SLC5A4: variants seen among roughly 807,000 people sequenced by gnomAD.
SLC5A4 encodes solute carrier family 5 member 4.
In SLC5A4, 55 loss-of-function variants were observed where a neutral mutation model predicts 70.3. The observed-to-expected ratio is 0.78, with a 90% CI of 0.63 to 0.98. The LOEUF (loss-of-function observed/expected upper bound fraction) is 0.98. Ranked by LOEUF, SLC5A4 falls within the 50% of genes least tolerant of loss-of-function variation. The pLI, the probability that SLC5A4 is intolerant of heterozygous loss-of-function variation, is 0.00. For missense variants in SLC5A4, 735 were observed against 839.2 expected (o/e 0.88, Z 1.53); for synonymous variants, 268 against 305.7 (o/e 0.88, Z 1.29).
the SLC5A4 span, among the ~76,000 whole-genome samples, chr22:32,330,995 G>T: frequency 8.7e-5 from 3 of 34,528 alleles, no homozygotes; most frequent in Admixed American, 3.5e-4. Context: ...TGGGGGCTCT[G>T]GTGTGTGTGT....
intron 6 of SLC5A4, 141 bp from the exon 7 acceptor site, chr22:32,237,465 T>C: frequency 1.7e-6 from 1 of 587,830 alleles, no homozygotes; most frequent in Non-Finnish European, 3.0e-6. Context: ...AGCCACAAGC[T>C]TGTCCTGGCA....
intron 5 of SLC5A4, among the ~76,000 whole-genome samples, chr22:32,239,690 C>T: frequency 7.2e-6 from 1 of 139,046 alleles, no homozygotes; most frequent in South Asian, 2.2e-4. Context: ...AGGGCAAAAC[C>T]ACAATTACTT....
In SLC5A4 at chr22:32,219,842, C is replaced by G. The variant is rs545142298; in HGVS notation, c.1768+1078G>C. 3.3e-5 allele frequency among the ~76,000 whole-genome samples: 5 copies of G among 151,994 alleles called. No homozygotes were observed. In the South Asian group the frequency reaches 8.3e-4, roughly 25 times the overall value. On this transcript the variant is annotated intron_variant, in intron 14 of 14. Coordinates refer to ENST00000266086, the MANE Select transcript of SLC5A4 (RefSeq NM_014227.3). ...AATATACTAGAGATTGAAAGGATAA[C>G]ACAACTATAGAGGCAGCATAGATGG...
the SLC5A4 span, among the ~76,000 whole-genome samples, chr22:32,308,616 G>A: frequency 6.6e-6 from 1 of 152,220 alleles, no homozygotes; most frequent in Non-Finnish European, 1.5e-5. Context: ...ACATTCCCAA[G>A]TCCTTCTCTT....
At chr22:32,230,669 A>G (rs1368289310) in intron 10 of SLC5A4, among the ~76,000 whole-genome samples, 3 of 152,242 alleles carry the variant, frequency 2.0e-5, no homozygotes, top group African/African-American at 7.2e-5. Flanking sequence ...TCTTGTGTTT[A>G]CAAGTTTATG....
the SLC5A4 span, among the ~76,000 whole-genome samples, chr22:32,260,362 C>T: frequency 1.3e-4 from 20 of 152,212 alleles, no homozygotes; most frequent in East Asian, 7.7e-4. Context: ...TCCCCCCAGC[C>T]GTCACCTCTT....
the SLC5A4 span, among the ~76,000 whole-genome samples, chr22:32,312,369 A>G: frequency 1.6e-4 from 20 of 122,074 alleles, no homozygotes; most frequent in African/African-American, 4.1e-4. Context: ...GCGCGCGCAC[A>G]CACACACACA....
the SLC5A4 span, among the ~76,000 whole-genome samples, chr22:32,347,182 G>A: frequency 1.1e-3 from 172 of 152,232 alleles, 1 homozygote; most frequent in Middle Eastern, 6.8e-3. Context: ...TCAGAATGGC[G>A]ATCATTAAAA....
chr22:32,244,161 A>C (rs1378819860), intron 5 of SLC5A4, among the ~76,000 whole-genome samples: 1 of 152,334 alleles, frequency 6.6e-6, no homozygotes, highest in East Asian at 1.9e-4. Flanking sequence ...TACAAATGCA[A>C]AGTACTTTCT....
the SLC5A4 span, among the ~76,000 whole-genome samples, chr22:32,309,738 G>C: frequency 6.6e-6 from 1 of 152,106 alleles, no homozygotes; most frequent in African/African-American, 2.4e-5. Flanking sequence ...GAGACAGCAA[G>C]GGCCGTGACC....
At position 32,225,762 on chromosome 22, in the gene SLC5A4, G is replaced by A. The variant is rs746434332; in HGVS notation, c.1342C>T (p.Gln448Ter). 6.2e-7 allele frequency: 1 copy of A among 1,612,178 alleles called. No individual in the cohort carries two copies. The highest frequency in any genetic ancestry group is 8.5e-7 in the Non-Finnish European group (1 of 1,178,282). The change falls in exon 12 of 15, where the codon CAA (glutamine) becomes TAA (stop). Residue 448 changes from glutamine (Q) to a stop codon, truncating the protein, a stop_gained. Transcript: ENST00000266086. LOFTEE classifies it high-confidence loss of function. ...GTGTAATGGATTAGTTGTCCATTTT[G>A]AGAAACTTGTACCAGTGGGACCCAC... is the stretch of plus-strand genomic sequence containing the variant. ...IVWVPLVQVS[Q>*]NGQLIHYTES...
At chr22:32,313,705 T>C in the SLC5A4 span, among the ~76,000 whole-genome samples, 17,747 of 152,210 alleles carry the variant, frequency 0.12, 1,402 homozygotes, top group Non-Finnish European at 0.18. Context: ...ACAAGAGCAA[T>C]TGCCCAGCCA....
At chr22:32,300,345 G>C in the SLC5A4 span, among the ~76,000 whole-genome samples, 24 of 151,732 alleles carry the variant, frequency 1.6e-4, no homozygotes, top group African/African-American at 5.6e-4. Flanking sequence ...AGCCAGGTGC[G>C]GGATATAATC....
the SLC5A4 span, among the ~76,000 whole-genome samples, chr22:32,306,485 T>C: frequency 6.6e-6 from 1 of 150,508 alleles, no homozygotes; most frequent in Non-Finnish European, 1.5e-5. Context: ...AAACAAAAAC[T>C]ACTGTATATA....
chr22:32,265,519 T>G, the SLC5A4 span, among the ~76,000 whole-genome samples: 5 of 152,320 alleles, frequency 3.3e-5, no homozygotes, highest in Non-Finnish European at 5.9e-5. Context: ...TATATGTGGA[T>G]CCAATAGTAA....
chr22:32,330,682 G>GCT, the SLC5A4 span, among the ~76,000 whole-genome samples: 1 of 93,212 alleles, frequency 1.1e-5, no homozygotes, highest in South Asian at 4.3e-4. Context: ...AGGGGGCTCT[G>GCT]GTGTGTGTGT....
At chr22:32,263,234 C>G in the SLC5A4 span, among the ~76,000 whole-genome samples, 1 of 151,680 alleles carries the variant, frequency 6.6e-6, no homozygotes, top group Non-Finnish European at 1.5e-5. Context: ...GTCTCAAACA[C>G]TGGGTTCAAG....
At chr22:32,328,384 G>A in the SLC5A4 span, among the ~76,000 whole-genome samples, 2 of 152,126 alleles carry the variant, frequency 1.3e-5, no homozygotes, top group African/African-American at 4.8e-5. Context: ...AGAAGTGACA[G>A]GCATGGGATG....
At chr22:32,300,463 C>G in the SLC5A4 span, among the ~76,000 whole-genome samples, 1 of 151,862 alleles carries the variant, frequency 6.6e-6, no homozygotes, top group Admixed American at 6.6e-5. Context: ...TCAGAAAGGG[C>G]ACTCCCTGAC....
Sources: allele counts gnomAD v4.1 joint callset (sites outside exome capture counted in the v4.1 genomes callset), GRCh38; gene constraint gnomAD v4.1.1; transcripts MANE v1.5; gene names NCBI Gene and HGNC (gene_info 2026-07-23, HGNC 2026-07-21).